UBOX5: variants seen among roughly 807,000 people sequenced by gnomAD.
UBOX5 encodes U-box domain containing 5.
A neutral mutation model predicts 39.0 loss-of-function variants in UBOX5; 28 were observed. The ratio of observed to expected loss-of-function variants is 0.72; its 90% CI spans 0.53 to 0.98. The LOEUF is 0.98. UBOX5 is among the 50% of genes least tolerant of loss of function. The probability of loss-of-function intolerance (pLI) is 0.00; values close to 1 mark genes in which losing one functional copy is unlikely to be tolerated. For missense variants in UBOX5, 585 were observed against 674.4 expected, an observed-to-expected ratio of 0.87 and a Z score of 1.47; for synonymous variants, 283 against 275.5, an observed-to-expected ratio of 1.03 and a Z score of -0.27.
At chr20:3,159,178 C>T (rs2066720604) in intron 1 of UBOX5, among the ~76,000 whole-genome samples, 1 of 152,206 alleles carries the variant, frequency 6.6e-6, no homozygotes, top group African/African-American at 2.4e-5. Context: ...ATCAATACTA[C>T]CCTTAGGCTT....
chr20:3,118,771 C>CA (rs944885944), intron 3 of UBOX5, among the ~76,000 whole-genome samples: 16 of 148,182 alleles, frequency 1.1e-4, no homozygotes, highest in East Asian at 7.9e-4. Context: ...GACTCCGTCT[C>CA]AAAAAAAAAG....
intron 1 of UBOX5, among the ~76,000 whole-genome samples, chr20:3,135,147 A>G (rs774066240): frequency 1.3e-5 from 2 of 152,154 alleles, no homozygotes; most frequent in Non-Finnish European, 2.9e-5. Flanking sequence ...GATAAAAAAA[A>G]TTTTTTTAAA....
In UBOX5 at chr20:3,148,370, T is replaced by A. The variant is rs781768771; in HGVS notation, c.-42+11396A>T. ...ATCCATATTCATCTCCCATACCTGA[T>A]GGCAACACTTGGTCTCATACACATC... is the stretch of plus-strand genomic sequence containing the variant. On this transcript the variant is annotated intron_variant, in intron 1 of 4. Transcript: ENST00000217173. 3 of 1,614,172 alleles carry A rather than the reference T, an allele frequency of 1.9e-6. No homozygotes were observed. The Admixed American group carries it at 5.0e-5, about 27-fold the overall frequency.
At chr20:3,152,895 GA>G (rs1347143338) in intron 1 of UBOX5, among the ~76,000 whole-genome samples, 1 of 148,208 alleles carries the variant, frequency 6.7e-6, no homozygotes, top group African/African-American at 2.5e-5. Flanking sequence ...GAAAGAGCAA[GA>G]CTGTCTCAAA....
In UBOX5 at chr20:3,122,290, A is replaced by C; in HGVS notation, c.349T>G (p.Leu117Val). Residue 117 changes from leucine (L) to valine (V), a missense_variant, in exon 3 of 5, where the codon TTG becomes GTG. By Grantham distance (32) the Leu-to-Val change is conservative. Transcript: ENST00000217173. ...PSVPDKEAFT[L>V]VGKVLLKNQS... ...TTTTTCAGTAAGACTTTGCCTACCAAGGTGAACGCCTCCTTGTCTGGGACA... is the reference window on the plus strand; with the variant it reads ...TTTTTCAGTAAGACTTTGCCTACCACGGTGAACGCCTCCTTGTCTGGGACA... 3 of 1,614,200 alleles carry C rather than the reference A, an allele frequency of 1.9e-6. No homozygotes were observed. The South Asian group carries it at 3.3e-5, about 18-fold the overall frequency.
intron 1 of UBOX5, among the ~76,000 whole-genome samples, chr20:3,154,661 G>C (rs1322335964): frequency 7.2e-5 from 11 of 152,052 alleles, no homozygotes; most frequent in Non-Finnish European, 1.3e-4. Flanking sequence ...GTGACAGAGA[G>C]AGACCCTATC....
intron 1 of UBOX5, among the ~76,000 whole-genome samples, chr20:3,142,797 AG>A (rs1390175653): frequency 2.0e-5 from 3 of 151,068 alleles, no homozygotes; most frequent in African/African-American, 7.3e-5. Context: ...AAAAAAGAAA[AG>A]TATGTGTATA....
At chr20:3,119,780 C>T (rs190358570) in intron 3 of UBOX5, among the ~76,000 whole-genome samples, 5 of 151,704 alleles carry the variant, frequency 3.3e-5, no homozygotes, top group Admixed American at 2.0e-4. Context: ...CTTGAAGCTG[C>T]GAGGCGGAGG....
At chr20:3,153,343 A>C (rs917303101) in intron 1 of UBOX5, among the ~76,000 whole-genome samples, 1 of 152,260 alleles carries the variant, frequency 6.6e-6, no homozygotes, top group African/African-American at 2.4e-5. Context: ...GCTATGCCTT[A>C]GGGCCTCCTC....
rs34287965 is a variant in UBOX5 at position 3,113,119 on chromosome 20, C to CA, written c.1417+2185dup. On this transcript the variant is annotated intron_variant, in intron 4 of 4. Coordinates refer to ENST00000217173, the MANE Select transcript of UBOX5 (RefSeq NM_014948.4). ...CGAAACGCTGTCTCTACTAAATATA[C>CA]AAAAAAAAAAAAAAAAAATTAGCTG... 2.5e-3 allele frequency among the ~76,000 whole-genome samples: 300 copies of CA among 121,972 alleles called. 1 individual carries two copies. Among genetic ancestry groups the CA allele is most frequent in the African/African-American group, 3.7e-3 (122 of 33,350 alleles). 80.0% of individuals were successfully genotyped at this position (121,972 alleles called of 152,430 possible).
chr20:3,135,546 T>C (rs857251), intron 1 of UBOX5, among the ~76,000 whole-genome samples: 80,418 of 151,874 alleles, frequency 0.53, 22,028 homozygotes, highest in East Asian at 0.96. Flanking sequence ...CTTCACTTAG[T>C]AGGCTGAGGT....
intron 1 of UBOX5, among the ~76,000 whole-genome samples, chr20:3,145,580 G>C (rs548640373): frequency 6.6e-6 from 1 of 151,860 alleles, no homozygotes; most frequent in Non-Finnish European, 1.5e-5. Flanking sequence ...CTAGGACTGC[G>C]GGGGCACACC....
At position 3,146,435 on chromosome 20, in the gene UBOX5, C is replaced by T. The variant is rs533301099; in HGVS notation, c.-42+13331G>A. On this transcript the variant is annotated intron_variant, in intron 1 of 4. Coordinates refer to ENST00000217173, the MANE Select transcript of UBOX5 (RefSeq NM_014948.4). ...AAAGAATAAAATTTTTAAAAATTGG[C>T]TTTATATAATGTCTGACTATACTTT... 493 of 172,342 alleles carry T rather than the reference C, an allele frequency of 2.9e-3. 1 individual carries two copies. The highest frequency in any genetic ancestry group is 4.2e-3 in the Non-Finnish European group (340 of 81,694). The allele number at this position is 172,342 out of a possible 1,614,324, so 10.7% of individuals were successfully genotyped here. A position where few individuals can be genotyped will look rare whatever the true frequency, so the allele number is the denominator to read the frequency against.
chr20:3,123,754 G>A (rs1320027857), intron 1 of UBOX5, among the ~76,000 whole-genome samples: 2 of 152,230 alleles, frequency 1.3e-5, no homozygotes, highest in Non-Finnish European at 2.9e-5. Context: ...AGAAAGGACA[G>A]AGTGTTCGGA....
chr20:3,148,504 C>G (rs911007965), intron 1 of UBOX5: 1 of 1,613,992 alleles, frequency 6.2e-7, no homozygotes, highest in African/African-American at 1.3e-5. Context: ...GCTGGCAGAG[C>G]AGAGCAAAGC....
At chr20:3,159,145 C>A (rs2066720303) in intron 1 of UBOX5, among the ~76,000 whole-genome samples, 4 of 152,026 alleles carry the variant, frequency 2.6e-5, no homozygotes, top group South Asian at 2.1e-4. Flanking sequence ...TTCTTACCCA[C>A]GGAAAGAAAA....
chr20:3,136,543 T>G (rs768959641), intron 1 of UBOX5, among the ~76,000 whole-genome samples: 35 of 148,386 alleles, frequency 2.4e-4, no homozygotes, highest in Non-Finnish European at 4.4e-5. Flanking sequence ...TTAGTAGAAA[T>G]GGGATTTCCC....
At chr20:3,142,296 T>C (rs2066523552) in intron 1 of UBOX5, among the ~76,000 whole-genome samples, 1 of 151,606 alleles carries the variant, frequency 6.6e-6, no homozygotes, top group African/African-American at 2.4e-5. Context: ...ACCCCATCTC[T>C]ACTAAAAATA....
rs1446423869 is a variant in UBOX5, at chr20:3,111,059, T to A, written c.1418-745A>T. 2.0e-5 allele frequency among the ~76,000 whole-genome samples: 3 copies of A among 152,078 alleles called. No homozygotes were observed. In the East Asian group the frequency reaches 5.8e-4, roughly 29 times the overall value. On this transcript the variant is annotated intron_variant, in intron 4 of 4. Coordinates refer to ENST00000217173, the MANE Select transcript of UBOX5 (RefSeq NM_014948.4). Reference sequence around the variant, plus strand: ...TCCCCCTCCTGTGCTGCCCTGGCCCTCTCGGCAGGCTCTCCCTTCTTCCGC... The same window carrying A: ...TCCCCCTCCTGTGCTGCCCTGGCCCACTCGGCAGGCTCTCCCTTCTTCCGC...
Sources: allele counts gnomAD v4.1 joint callset (sites outside exome capture counted in the v4.1 genomes callset), GRCh38; gene constraint gnomAD v4.1.1; transcripts MANE v1.5; gene names NCBI Gene and HGNC (gene_info 2026-07-23, HGNC 2026-07-21).